The following CLGN variants were observed in gnomAD, a reference collection of about 807,000 sequenced individuals.
CLGN encodes calmegin, also known as testis tissue sperm-binding protein Li 79P.
Under a neutral mutation model 79.1 loss-of-function variants are expected in CLGN, and 62 were observed. The ratio of observed to expected loss-of-function variants is 0.78; its 90% CI spans 0.64 to 0.97. The LOEUF (loss-of-function observed/expected upper bound fraction) is 0.97, where lower values mean the gene tolerates loss of function less well. Ranked by LOEUF, CLGN falls within the 50% of genes least tolerant of loss-of-function variation. The probability of loss-of-function intolerance (pLI) is 0.00; values close to 1 mark genes in which losing one functional copy is unlikely to be tolerated. For synonymous variants in CLGN, 225 were observed against 224.7 expected, an observed-to-expected ratio of 1.00 and a Z score of -0.01; for missense variants, 647 against 715.5, an observed-to-expected ratio of 0.90 and a Z score of 1.09.
intron 4 of CLGN, among the ~76,000 whole-genome samples, chr4:140,407,101 T>C (rs1180907725): frequency 6.6e-6 from 1 of 152,156 alleles, no homozygotes; most frequent in East Asian, 1.9e-4. Context: ...TGTACATACA[T>C]TTTTAGACTT....
chr4:140,421,048 T>C (rs539742242), intron 1 of CLGN, among the ~76,000 whole-genome samples: 1 of 152,288 alleles, frequency 6.6e-6, no homozygotes, highest in African/African-American at 2.4e-5. Context: ...AGTGGAATCA[T>C]ACAGTATTGG....
chr4:140,398,465 C>T (rs938775034), intron 8 of CLGN, among the ~76,000 whole-genome samples: 7 of 151,782 alleles, frequency 4.6e-5, no homozygotes, highest in Non-Finnish European at 5.9e-5. Flanking sequence ...GACGGGGTTT[C>T]GCCATGTTGG....
At chr4:140,422,893 A>G (rs1729497659) in intron 1 of CLGN, among the ~76,000 whole-genome samples, 1 of 152,314 alleles carries the variant, frequency 6.6e-6, no homozygotes, top group East Asian at 1.9e-4. Flanking sequence ...CTGGGACTAC[A>G]GGCATGAGCC....
At chr4:140,397,212 C>T (rs979917960) in intron 8 of CLGN, among the ~76,000 whole-genome samples, 2 of 151,866 alleles carry the variant, frequency 1.3e-5, no homozygotes, top group Admixed American at 1.3e-4. Context: ...CAGCAGCATG[C>T]AAAAGTACCT....
At chr4:140,391,666 C>G (rs939644415) in intron 13 of CLGN, among the ~76,000 whole-genome samples, 13 of 151,766 alleles carry the variant, frequency 8.6e-5, no homozygotes, top group African/African-American at 3.1e-4. Context: ...GAGGTCTCAG[C>G]GGACAGCCAC....
At chr4:140,427,195 G>T (rs1367256745) in intron 1 of CLGN, among the ~76,000 whole-genome samples, 1 of 152,152 alleles carries the variant, frequency 6.6e-6, no homozygotes, top group Non-Finnish European at 1.5e-5. Context: ...CCTCAAGCCC[G>T]CAGGGGAGGC....
At chr4:140,392,162 T>G in intron 13 of CLGN, 57 bp downstream of exon 13, 11 of 1,567,598 alleles carry the variant, frequency 7.0e-6, no homozygotes, top group Non-Finnish European at 9.5e-6. Flanking sequence ...CAAGGCCATA[T>G]ACAGTTTTAT....
chr4:140,426,195 A>G (rs974279519), intron 1 of CLGN, among the ~76,000 whole-genome samples: 1 of 152,234 alleles, frequency 6.6e-6, no homozygotes, highest in African/African-American at 2.4e-5. Context: ...ATTATTAAAA[A>G]GACAAGTGAT....
At chr4:140,391,762 TAATTA>T (rs770708503) in intron 13 of CLGN, among the ~76,000 whole-genome samples, 9 of 151,926 alleles carry the variant, frequency 5.9e-5, no homozygotes, top group Non-Finnish European at 1.2e-4. Context: ...TTCAGAAAAT[TAATTA>T]AATTATTTCT....
intron 1 of CLGN, among the ~76,000 whole-genome samples, chr4:140,419,438 A>G (rs1042676380): frequency 6.6e-6 from 1 of 152,170 alleles, no homozygotes; most frequent in Non-Finnish European, 1.5e-5. Context: ...ATGATTCCTA[A>G]ATGTTCACTG....
chr4:140,405,148 A>G (rs903311813), intron 5 of CLGN, among the ~76,000 whole-genome samples: 2 of 149,272 alleles, frequency 1.3e-5, no homozygotes, highest in African/African-American at 2.5e-5. Flanking sequence ...ATTGTTTAAT[A>G]TTTTGATAAC....
intron 1 of CLGN, among the ~76,000 whole-genome samples, chr4:140,420,392 A>C (rs779089603): frequency 6.6e-6 from 1 of 152,184 alleles, no homozygotes; most frequent in East Asian, 1.9e-4. Flanking sequence ...TTATATTTAC[A>C]TCAAAGAACT....
At chr4:140,396,373 C>T (rs1728874203) in intron 8 of CLGN, among the ~76,000 whole-genome samples, 168 bp from the exon 9 acceptor site, 1 of 152,266 alleles carries the variant, frequency 6.6e-6, no homozygotes. Flanking sequence ...ATTTTTGGTA[C>T]ATATTCCCTG....
chr4:140,422,924 A>G (rs1441675054), intron 1 of CLGN, among the ~76,000 whole-genome samples: 1 of 152,120 alleles, frequency 6.6e-6, no homozygotes, highest in Non-Finnish European at 1.5e-5. Flanking sequence ...GCCTTCATTT[A>G]TTATTTCTAA....
chr4:140,392,212 A>C lies in CLGN; in HGVS notation c.1651+7T>G. 1.9e-6 allele frequency: 3 copies of C among 1,611,848 alleles called. No homozygotes were observed. The South Asian group carries it at 3.3e-5, about 18-fold the overall frequency. ...GTCTCCATTATAAATCACTCTCATCATCTTACCTTTTTCAAGCATTTCACC... is the reference window on the plus strand; with the variant it reads ...GTCTCCATTATAAATCACTCTCATCCTCTTACCTTTTTCAAGCATTTCACC... On this transcript the variant is annotated splice_region_variant and intron_variant, in intron 13 of 14. Coordinates refer to ENST00000325617, the MANE Select transcript of CLGN (RefSeq NM_004362.3).
intron 11 of CLGN, 55 bp downstream of exon 11, chr4:140,393,765 AACCAAG>A: frequency 6.9e-7 from 1 of 1,459,352 alleles, no homozygotes; most frequent in South Asian, 1.2e-5. Flanking sequence ...AATAACCTAC[AACCAAG>A]ACCAAGTATT....
intron 6 of CLGN, among the ~76,000 whole-genome samples, chr4:140,401,029 G>A (rs1728989370): frequency 6.6e-6 from 1 of 152,042 alleles, no homozygotes; most frequent in African/African-American, 2.4e-5. Context: ...ATGGCATAGT[G>A]GTTAACAGCA....
chr4:140,417,649 G>A (rs1729369162), intron 1 of CLGN, among the ~76,000 whole-genome samples: 1 of 151,772 alleles, frequency 6.6e-6, no homozygotes, highest in African/African-American at 2.4e-5. Flanking sequence ...TACAAGGGAT[G>A]TGAAGGACCT....
chr4:140,414,898 T>TCAGA (rs1456667045), intron 1 of CLGN, among the ~76,000 whole-genome samples: 2 of 150,322 alleles, frequency 1.3e-5, no homozygotes, highest in Non-Finnish European at 3.0e-5. Flanking sequence ...CACATAATTG[T>TCAGA]CAGATTCACC....
Sources: gnomAD v4.1 joint callset for allele counts (sites outside exome capture counted in the v4.1 genomes callset) on GRCh38, gnomAD v4.1.1 for gene constraint, MANE v1.5 for transcripts, NCBI Gene and HGNC (gene_info 2026-07-23, HGNC 2026-07-21) for gene names.